Variants in SECISBP2L observed in about 807,000 individuals in gnomAD.
The protein encoded by SECISBP2L is selenocysteine insertion sequence-binding protein 2-like.
SECISBP2L carries 43 observed loss-of-function variants against 114.7 expected under a neutral mutation model. The ratio of observed to expected loss-of-function variants is 0.38; its 90% CI spans 0.29 to 0.48. The LOEUF is 0.48. SECISBP2L is among the 20% of genes least tolerant of loss of function. SECISBP2L has a pLI of 0.98. For synonymous variants in SECISBP2L, 451 were observed against 439.7 expected, an observed-to-expected ratio of 1.03 and a Z score of -0.32; for missense variants, 1,136 against 1,301.1, an observed-to-expected ratio of 0.87 and a Z score of 1.95.
intron 14 of SECISBP2L, 108 bp downstream of exon 14, chr15:49,009,108 C>T: frequency 8.4e-7 from 1 of 1,196,408 alleles, no homozygotes; most frequent in Non-Finnish European, 1.2e-6. Context: ...TTAAAGATCT[C>T]TGGTCTTTTG....
rs746371480 is a variant in SECISBP2L, at chr15:49,016,636, C to G, written c.1485G>C (p.Met495Ile). ...KTPVQLDLGD[M>I]LAALEKQQQA... ...GCTGTTGTTTTTCCAGAGCAGCTAACATGTCCCCTAAATCTAGCTGCACAG... is the reference window on the plus strand; with the variant it reads ...GCTGTTGTTTTTCCAGAGCAGCTAAGATGTCCCCTAAATCTAGCTGCACAG... The change falls in exon 11 of 18, where the codon ATG becomes ATC. Residue 495 changes from methionine (M) to isoleucine (I), a missense_variant. Physicochemically the swap from Met to Ile is conservative, Grantham distance 10. Transcript: ENST00000559471. The G allele has an allele frequency of 1.2e-6, 2 of 1,610,376 alleles. No individual in the cohort carries two copies. Among genetic ancestry groups the G allele is most frequent in the Non-Finnish European group, 1.7e-6 (2 of 1,177,850 alleles).
At chr15:49,006,300 C>T (rs1902322681) in intron 14 of SECISBP2L, among the ~76,000 whole-genome samples, 1 of 152,152 alleles carries the variant, frequency 6.6e-6, no homozygotes, top group Non-Finnish European at 1.5e-5. Flanking sequence ...GCCTGTCCTG[C>T]TAGGTTGGGG....
chr15:49,013,625 C>T (rs969954892), intron 11 of SECISBP2L, among the ~76,000 whole-genome samples: 1 of 152,146 alleles, frequency 6.6e-6, no homozygotes, highest in African/African-American at 2.4e-5. Flanking sequence ...GGTTGATACC[C>T]TCAGTTTCCA....
intron 16 of SECISBP2L, among the ~76,000 whole-genome samples, chr15:48,997,129 G>A (rs1330108738): frequency 6.6e-6 from 1 of 152,186 alleles, no homozygotes; most frequent in Non-Finnish European, 1.5e-5. Context: ...TTTGAGGGGT[G>A]AAATCAGGGC....
chr15:49,009,873 T>C (rs139185728), intron 13 of SECISBP2L, among the ~76,000 whole-genome samples: 3,725 of 152,292 alleles, frequency 0.024, 78 homozygotes, highest in African/African-American at 0.048. Flanking sequence ...GGCTCATGCC[T>C]GTAATCCCAG....
At position 49,003,444 on chromosome 15, in the gene SECISBP2L, T is replaced by A. The variant is rs1176280644; in HGVS notation, c.2028-2347A>T. Among the ~76,000 whole-genome samples the A allele has an allele frequency of 2.0e-5, 3 of 152,202 alleles. No individual in the cohort carries two copies. In the East Asian group the frequency reaches 5.8e-4, roughly 29 times the overall value. On this transcript the variant is annotated intron_variant, in intron 14 of 17. Coordinates refer to ENST00000559471, the MANE Select transcript of SECISBP2L (RefSeq NM_001193489.2). ...ATACCCTTTATTTCTTTCTCTTGCC[T>A]GATTGCCCTGGCCAGAACTTCCAAC...
intron 14 of SECISBP2L, 107 bp from the exon 15 acceptor site, chr15:49,001,204 T>C: frequency 1.4e-6 from 1 of 715,692 alleles, no homozygotes; most frequent in Non-Finnish European, 2.2e-6. Context: ...TGGTAAGAAG[T>C]TTTCATGAAA....
rs1902188267 is a variant in SECISBP2L, at chr15:49,000,804, G to T, written c.2248+73C>A. The T allele has an allele frequency of 8.2e-6, 10 of 1,221,542 alleles. 1 individual carries two copies. The highest frequency in any genetic ancestry group is 2.5e-5 in the Admixed American group (1 of 40,362). 75.7% of individuals were successfully genotyped at this position (1,221,542 alleles called of 1,614,324 possible). A position where few individuals can be genotyped will look rare whatever the true frequency, so the allele number is the denominator to read the frequency against. On this transcript the variant is annotated intron_variant, in intron 15 of 17. Transcript: ENST00000559471. ...CTAAACTCTGATGAGAAAGACATATGGCTTCTACTTTATATTCACTGTATA... is the reference window on the plus strand; with the variant it reads ...CTAAACTCTGATGAGAAAGACATATTGCTTCTACTTTATATTCACTGTATA...
chr15:49,029,874 G>T (rs1595793651), intron 4 of SECISBP2L, among the ~76,000 whole-genome samples: 2 of 148,822 alleles, frequency 1.3e-5, no homozygotes, highest in Admixed American at 6.7e-5. Flanking sequence ...TAATTTGTAT[G>T]TACCTGCTTA....
chr15:49,037,514 A>G, intron 2 of SECISBP2L, 77 bp downstream of exon 2: 5 of 1,327,608 alleles, frequency 3.8e-6, no homozygotes, highest in Non-Finnish European at 5.2e-6. Context: ...AAAAGTTGCA[A>G]AGGAAAAATA....
At chr15:49,036,222 A>C (rs1429619066) in intron 2 of SECISBP2L, among the ~76,000 whole-genome samples, 2 of 152,162 alleles carry the variant, frequency 1.3e-5, no homozygotes, top group Non-Finnish European at 2.9e-5. Flanking sequence ...TCTGGGTCCA[A>C]GGGAAAGAAG....
intron 14 of SECISBP2L, among the ~76,000 whole-genome samples, chr15:49,008,338 G>A (rs1291830900): frequency 1.3e-5 from 2 of 152,164 alleles, no homozygotes; most frequent in Admixed American, 6.5e-5. Context: ...AGAGATTGAG[G>A]AACATTTAAC....
chr15:48,999,476 G>A (rs1902160452), intron 16 of SECISBP2L, among the ~76,000 whole-genome samples: 1 of 151,978 alleles, frequency 6.6e-6, no homozygotes, highest in Non-Finnish European at 1.5e-5. Flanking sequence ...CTGATTCCTA[G>A]TAGCACAAAA....
intron 7 of SECISBP2L, among the ~76,000 whole-genome samples, chr15:49,023,626 T>C (rs370004348): frequency 1.3e-5 from 2 of 152,204 alleles, no homozygotes; most frequent in East Asian, 1.9e-4. Context: ...ACAACTCAAG[T>C]GTCCACTGGT....
chr15:49,016,792 T>G (rs1273122905), intron 10 of SECISBP2L, 56 bp downstream of exon 10: 9 of 1,573,286 alleles, frequency 5.7e-6, no homozygotes, highest in Non-Finnish European at 6.9e-6. Flanking sequence ...CTTCTATCTA[T>G]TCCATCAAAC....
rs771160190 is a variant in SECISBP2L, at chr15:49,027,389, T to C, written c.1011A>G (p.Gln337=). The C allele has an allele frequency of 5.6e-6, 9 of 1,610,646 alleles. No homozygotes were observed. The highest frequency in any genetic ancestry group is 6.8e-6 in the Non-Finnish European group (8 of 1,177,764). ...CCTGTGAATTATTTCTTTGTTCAGT[T>C]TGCCTTCCACCTCTAGAAAATGTCT... ...KNQTFSRGGR[Q]TEQRNNSQVG... The change falls in exon 7 of 18, where the codon CAA becomes CAG. Residue 337 remains glutamine, a synonymous_variant. Transcript: ENST00000559471.
rs1428125167 is a variant in SECISBP2L at position 48,992,150 on chromosome 15, A to C, written c.*94T>G. The C allele has an allele frequency of 5.9e-6, 7 of 1,177,326 alleles. No individual in the cohort carries two copies. The East Asian group carries it at 1.7e-4, about 28-fold the overall frequency. The allele number at this position is 1,177,326 out of a possible 1,614,324, so 72.9% of individuals were successfully genotyped here. A position where few individuals can be genotyped will look rare whatever the true frequency, so the allele number is the denominator to read the frequency against. On this transcript the variant is annotated 3_prime_UTR_variant, in exon 18 of 18. Coordinates refer to ENST00000559471, the MANE Select transcript of SECISBP2L (RefSeq NM_001193489.2). Reference sequence around the variant, plus strand: ...TTGTTGGGAATTAAATACGTATATTAAATACTGGACAGTGCAAAATGTTGA... The same window carrying C: ...TTGTTGGGAATTAAATACGTATATTCAATACTGGACAGTGCAAAATGTTGA...
chr15:49,028,386 G>A (rs549343483), intron 5 of SECISBP2L, 67 bp downstream of exon 5: 5 of 1,443,630 alleles, frequency 3.5e-6, no homozygotes, highest in Non-Finnish European at 4.8e-6. Context: ...TTAAGCTTTA[G>A]CAGAGGATGC....
chr15:49,015,387 T>C (rs983615118), intron 11 of SECISBP2L, among the ~76,000 whole-genome samples: 1 of 152,218 alleles, frequency 6.6e-6, no homozygotes, highest in Non-Finnish European at 1.5e-5. Context: ...CAAATAACTA[T>C]TGTAATAACA....
Sources: gnomAD v4.1 joint callset for allele counts (sites outside exome capture counted in the v4.1 genomes callset) on GRCh38, gnomAD v4.1.1 for gene constraint, MANE v1.5 for transcripts, NCBI Gene and HGNC (gene_info 2026-07-23, HGNC 2026-07-21) for gene names.